Variants in ZFHX4 observed in about 807,000 individuals in gnomAD.
ZFHX4 encodes the protein zinc finger homeobox protein 4.
ZFHX4 carries 56 observed loss-of-function variants against 267.6 expected under a neutral mutation model. That is an observed-to-expected ratio of 0.21 (90% CI 0.17 to 0.26). The LOEUF (loss-of-function observed/expected upper bound fraction) is 0.26. Ranked by LOEUF, ZFHX4 falls within the 10% of genes least tolerant of loss-of-function variation. The pLI is 1.00. For synonymous variants in ZFHX4, 1,778 were observed against 1,665.6 expected (o/e 1.07, Z -1.64); for missense variants, 4,332 against 4,420.0 (o/e 0.98, Z 0.56).
chr8:76,728,093 T>C (rs1808903677), intron 3 of ZFHX4, among the ~76,000 whole-genome samples: 1 of 152,222 alleles, frequency 6.6e-6, no homozygotes, highest in Non-Finnish European at 1.5e-5. Context: ...GGCCAATACC[T>C]AAAAATAATT....
chr8:76,700,246 G>A (rs1371252445), intron 1 of ZFHX4, among the ~76,000 whole-genome samples: 2 of 152,076 alleles, frequency 1.3e-5, no homozygotes, highest in Admixed American at 1.3e-4. Flanking sequence ...AAGGGCAGAT[G>A]AGAATAAAAA....
intron 4 of ZFHX4, among the ~76,000 whole-genome samples, chr8:76,821,252 T>C (rs565104399): frequency 6.6e-6 from 1 of 152,314 alleles, no homozygotes; most frequent in East Asian, 1.9e-4. Context: ...CTCCCTAATG[T>C]TACATCTACC....
At chr8:76,726,932 G>T (rs768588730) in intron 3 of ZFHX4, among the ~76,000 whole-genome samples, 30 of 152,138 alleles carry the variant, frequency 2.0e-4, no homozygotes, top group Admixed American at 4.6e-4. Flanking sequence ...AAAAGAAGAA[G>T]TTTATCTTAA....
At position 76,864,396 on chromosome 8, in the gene ZFHX4, C is replaced by T; in HGVS notation, c.10682C>T (p.Thr3561Ile). 6.2e-7 allele frequency: 1 copy of T among 1,613,780 alleles called. No individual in the cohort carries two copies. Among genetic ancestry groups the T allele is most frequent in the South Asian group, 1.1e-5 (1 of 91,066 alleles). Residue 3561 changes from threonine to isoleucine, a missense_variant, in exon 11 of 11, where the codon ACC becomes ATC. Physicochemically the swap from Thr to Ile is moderately conservative, Grantham distance 89. This residue lies in a region of ZFHX4 where 1,648 missense variants were observed against 1,625.0 expected (regional missense o/e 1.01). Transcript: ENST00000651372. ...ACGGTTACCTCAAGTTTGTGCAGCA[C>T]CTCAGGGGTTCAAACCTCACTACCC... ...PSTVTSSLCS[T>I]SGVQTSLPTE...
chr8:76,716,714 A>G (rs1169684950), intron 3 of ZFHX4, among the ~76,000 whole-genome samples: 2 of 152,178 alleles, frequency 1.3e-5, no homozygotes, highest in Non-Finnish European at 1.5e-5. Flanking sequence ...AATGTAGTCT[A>G]CTGAGATGAT....
Position 76,704,905 on chromosome 8 carries a change from A to G in ZFHX4, c.817A>G (p.Lys273Glu). Residue 273 changes from lysine to glutamate, a missense_variant, in exon 2 of 11, where the codon AAA (lysine) becomes GAA (glutamate). Lys to Glu is a moderately conservative substitution (Grantham distance 56). This residue lies in a region of ZFHX4 where 1,195 missense variants were observed against 1,173.6 expected (regional missense o/e 1.02). Transcript: ENST00000651372. ...ATTCGATGGTTGTGTTAGCGATGGG[A>G]AAAGGAAACCTGTTTTAATGTGTTT... ...SKFDGCVSDG[K>E]RKPVLMCFLC... The G allele has an allele frequency of 6.2e-7, 1 of 1,614,156 alleles. No homozygotes were observed. The highest frequency in any genetic ancestry group is 8.5e-7 in the Non-Finnish European group (1 of 1,179,982).
chr8:76,735,964 T>A (rs1425584140), intron 3 of ZFHX4, among the ~76,000 whole-genome samples: 1 of 152,088 alleles, frequency 6.6e-6, no homozygotes, highest in Non-Finnish European at 1.5e-5. Context: ...AAGAGCGGAA[T>A]ATAATATGCA....
chr8:76,734,996 A>G (rs1809120166), intron 3 of ZFHX4, among the ~76,000 whole-genome samples: 2 of 152,166 alleles, frequency 1.3e-5, no homozygotes, highest in Non-Finnish European at 1.5e-5. Context: ...ATGATACTCT[A>G]TTGATGATAG....
At chr8:76,849,152 C>T (rs947192591) in intron 7 of ZFHX4, 24 bp downstream of exon 7, 2 of 1,523,202 alleles carry the variant, frequency 1.3e-6, no homozygotes, top group Non-Finnish European at 1.8e-6. Flanking sequence ...TTCCCCTTTA[C>T]TGTGTAAATC....
At chr8:76,850,181 A>G (rs1812473608) in intron 8 of ZFHX4, 64 bp from the exon 9 acceptor site, 1 of 1,285,636 alleles carries the variant, frequency 7.8e-7, no homozygotes. Context: ...CCAGCAAAAG[A>G]GAGATGTGAT....
intron 4 of ZFHX4, among the ~76,000 whole-genome samples, chr8:76,826,464 G>A (rs534780286): frequency 3.3e-5 from 5 of 152,110 alleles, no homozygotes; most frequent in South Asian, 2.1e-4. Context: ...TTTTCTTATC[G>A]TTAAAAAATA....
At chr8:76,808,128 T>A (rs1277527050) in intron 4 of ZFHX4, among the ~76,000 whole-genome samples, 2 of 152,132 alleles carry the variant, frequency 1.3e-5, no homozygotes, top group Admixed American at 1.3e-4. Flanking sequence ...TTAGCTACCA[T>A]TGATTATAAT....
chr8:76,704,914 C>A lies in ZFHX4; in HGVS notation c.826C>A (p.Pro276Thr). The change falls in exon 2 of 11, where the codon CCT becomes ACT. Residue 276 changes from proline to threonine, a missense_variant. Around this residue, in one of 7 missense-constraint regions of ZFHX4, gnomAD observed 1,195 missense variants for 1,173.6 expected, o/e 1.02. Coordinates refer to ENST00000651372, the MANE Select transcript of ZFHX4 (RefSeq NM_024721.5). The part of the protein sequence containing the change: ...DGCVSDGKRK[P>T]VLMCFLCKLS... Reference sequence around the variant, plus strand: ...TTGTGTTAGCGATGGGAAAAGGAAACCTGTTTTAATGTGTTTCTTGTGCAA... The same window carrying A: ...TTGTGTTAGCGATGGGAAAAGGAAAACTGTTTTAATGTGTTTCTTGTGCAA... The A allele has an allele frequency of 6.2e-7, 1 of 1,614,064 alleles. No homozygotes were observed. The highest frequency in any genetic ancestry group is 8.5e-7 in the Non-Finnish European group (1 of 1,179,964).
chr8:76,778,115 C>T, intron 3 of ZFHX4, 93 bp from the exon 4 acceptor site: 1 of 819,828 alleles, frequency 1.2e-6, no homozygotes, highest in East Asian at 2.5e-5. Context: ...ATCTGTGTAA[C>T]CAATGTTTAT....
chr8:76,745,356 A>C (rs1417304816), intron 3 of ZFHX4, among the ~76,000 whole-genome samples: 1 of 152,190 alleles, frequency 6.6e-6, no homozygotes, highest in East Asian at 1.9e-4. Context: ...AAATATTGGT[A>C]AAATAAAATT....
At chr8:76,691,520 C>T (rs547229331) in intron 1 of ZFHX4, among the ~76,000 whole-genome samples, 1 of 152,144 alleles carries the variant, frequency 6.6e-6, no homozygotes, top group South Asian at 2.1e-4. Context: ...ATTCTGCGTA[C>T]TTTGGTTTCT....
chr8:76,800,213 G>A (rs762477962), intron 4 of ZFHX4, among the ~76,000 whole-genome samples: 1 of 152,098 alleles, frequency 6.6e-6, no homozygotes. Flanking sequence ...AGGCCACAGA[G>A]GGACTGAGCG....
chr8:76,727,742 C>T (rs900855603), intron 3 of ZFHX4, among the ~76,000 whole-genome samples: 4 of 152,164 alleles, frequency 2.6e-5, no homozygotes, highest in Admixed American at 6.6e-5. Context: ...TGATTTTCTA[C>T]GTCAGTTGTT....
intron 4 of ZFHX4, among the ~76,000 whole-genome samples, chr8:76,810,998 G>A (rs577310921): frequency 4.6e-5 from 7 of 152,062 alleles, no homozygotes; most frequent in South Asian, 2.1e-4. Flanking sequence ...GAATGAGCCC[G>A]ACGCTCTGCT....
Sources: gnomAD v4.1 joint callset for allele counts (sites outside exome capture counted in the v4.1 genomes callset) on GRCh38, gnomAD v4.1.1 for gene constraint, gnomAD v4.1.1 regional missense constraint, MANE v1.5 for transcripts, NCBI Gene and HGNC (gene_info 2026-07-23, HGNC 2026-07-21) for gene names.